MGMT: variants seen among roughly 807,000 people sequenced by gnomAD.
MGMT encodes the protein O-6-methylguanine-DNA methyltransferase, also known as methylated-DNA--protein-cysteine methyltransferase.
A neutral mutation model predicts 15.9 loss-of-function variants in MGMT; 14 were observed. The observed-to-expected ratio is 0.88, with a 90% CI of 0.58 to 1.37. The LOEUF is 1.37. Ranked by LOEUF, MGMT falls within the 40% of genes most tolerant of loss-of-function variation. The pLI, the probability that MGMT is intolerant of heterozygous loss-of-function variation, is 0.00. For synonymous variants in MGMT, 130 were observed against 118.2 expected, an observed-to-expected ratio of 1.10 and a Z score of -0.65; for missense variants, 282 against 268.1, an observed-to-expected ratio of 1.05 and a Z score of -0.36.
chr10:129,467,443 T>G, intron 1 of MGMT, 147 bp downstream of exon 1: 1 of 1,373,642 alleles, frequency 7.3e-7, no homozygotes, highest in Non-Finnish European at 9.4e-7. Context: ...GAGCTCCAGG[T>G]GCGCCCCAAG....
intron 2 of MGMT, among the ~76,000 whole-genome samples, chr10:129,662,865 T>C (rs1847615317): frequency 1.3e-5 from 2 of 152,170 alleles, no homozygotes; most frequent in Non-Finnish European, 2.9e-5. Flanking sequence ...GTCACACTCA[T>C]AATGAAGATA....
Position 129,746,345 on chromosome 10 carries a change from C to T in MGMT, c.275-12857C>T, listed in dbSNP as rs1327326241. Among the ~76,000 whole-genome samples, 5 of 150,630 alleles carry T rather than the reference C, an allele frequency of 3.3e-5. No homozygotes were observed. In the East Asian group the frequency reaches 7.8e-4, roughly 23 times the overall value. The stretch of plus-strand genomic sequence containing the variant: ...TTTTAATGAAGTTCAATTTATCTCT[C>T]TCTTTTTTTTATCATGATTTGAAGG... On this transcript the variant is annotated intron_variant, in intron 3 of 4. Transcript: ENST00000651593.
chr10:129,643,053 T>A (rs1847346257), intron 2 of MGMT, among the ~76,000 whole-genome samples: 1 of 152,188 alleles, frequency 6.6e-6, no homozygotes, highest in South Asian at 2.1e-4. Context: ...CCATTGTTAG[T>A]GATGACTTAC....
At chr10:129,492,165 G>A (rs921186197) in intron 1 of MGMT, among the ~76,000 whole-genome samples, 5 of 152,058 alleles carry the variant, frequency 3.3e-5, no homozygotes, top group African/African-American at 9.7e-5. Context: ...CTGGGTCAGG[G>A]CTGGCCTGTT....
At chr10:129,719,628 A>G (rs1316950474) in intron 3 of MGMT, among the ~76,000 whole-genome samples, 3 of 152,072 alleles carry the variant, frequency 2.0e-5, no homozygotes, top group African/African-American at 7.2e-5. Flanking sequence ...CTATATCATA[A>G]TCTCCCCTTC....
chr10:129,644,449 A>G (rs55778486), intron 2 of MGMT, among the ~76,000 whole-genome samples: 3,905 of 152,324 alleles, frequency 0.026, 80 homozygotes, highest in South Asian at 0.06. Context: ...TCAAGAGGAC[A>G]CAGCAAGAGG....
chr10:129,520,834 A>G (rs1564841116), intron 1 of MGMT, among the ~76,000 whole-genome samples: 1 of 147,932 alleles, frequency 6.8e-6, no homozygotes, highest in East Asian at 2.1e-4. Flanking sequence ...CAGAACCCCT[A>G]TGGTGCATGT....
chr10:129,560,550 T>G (rs1846264721), intron 2 of MGMT, among the ~76,000 whole-genome samples: 1 of 152,208 alleles, frequency 6.6e-6, no homozygotes, highest in African/African-American at 2.4e-5. Context: ...CATGGCCTAC[T>G]TTCAGACTCT....
chr10:129,591,400 C>A (rs988358760), intron 2 of MGMT, among the ~76,000 whole-genome samples: 1 of 152,164 alleles, frequency 6.6e-6, no homozygotes, highest in Admixed American at 6.5e-5. Flanking sequence ...TCTGTCTCCC[C>A]AGGAAAGGAG....
intron 3 of MGMT, among the ~76,000 whole-genome samples, chr10:129,738,382 G>A (rs533623125): frequency 3.9e-5 from 6 of 152,234 alleles, no homozygotes; most frequent in Admixed American, 1.3e-4. Context: ...TTGCGCTTCC[G>A]GAGTGAGGCA....
In MGMT at chr10:129,733,027, C is replaced by A. The variant is rs61874349; in HGVS notation, c.274+24984C>A. On this transcript the variant is annotated intron_variant, in intron 3 of 4. Transcript: ENST00000651593. ...ATGCCGCAATAAACATACGTGTGCACGTGTCTTTATAGCAGCATGATTTAT... is the reference window on the plus strand; with the variant it reads ...ATGCCGCAATAAACATACGTGTGCAAGTGTCTTTATAGCAGCATGATTTAT... Among the ~76,000 whole-genome samples the A allele has an allele frequency of 1.9e-4, 29 of 151,608 alleles. 1 individual carries two copies. The highest frequency in any genetic ancestry group is 1.4e-3 in the Admixed American group (22 of 15,194).
chr10:129,616,006 G>A (rs2133071721), intron 2 of MGMT, among the ~76,000 whole-genome samples: 1 of 152,258 alleles, frequency 6.6e-6, no homozygotes, highest in East Asian at 1.9e-4. Flanking sequence ...GTGGGTCTTT[G>A]CCCATCCTCT....
At chr10:129,754,555 T>C (rs745697289) in intron 3 of MGMT, among the ~76,000 whole-genome samples, 8 of 152,232 alleles carry the variant, frequency 5.3e-5, no homozygotes, top group Non-Finnish European at 7.3e-5. Context: ...TCACTCGCCC[T>C]GAACATAGTT....
At chr10:129,561,903 T>C (rs1846283442) in intron 2 of MGMT, among the ~76,000 whole-genome samples, 1 of 152,216 alleles carries the variant, frequency 6.6e-6, no homozygotes, top group Admixed American at 6.5e-5. Context: ...TTCTACTTCA[T>C]TAGCCACGTC....
chr10:129,725,505 A>G (rs1848422179), intron 3 of MGMT, among the ~76,000 whole-genome samples: 1 of 152,250 alleles, frequency 6.6e-6, no homozygotes, highest in African/African-American at 2.4e-5. Flanking sequence ...TCAAATTAAT[A>G]GCGTTCCTGG....
rs145880410 is a variant in MGMT at position 129,596,384 on chromosome 10, A to G, written c.125+60007A>G. Among the ~76,000 whole-genome samples, 1,291 of 152,304 alleles carry G rather than the reference A, an allele frequency of 8.5e-3. 11 individuals carry two copies. Among genetic ancestry groups the G allele is most frequent in the Non-Finnish European group, 0.015 (1,003 of 68,026 alleles). On this transcript the variant is annotated intron_variant, in intron 2 of 4. Coordinates refer to ENST00000651593, the MANE Select transcript of MGMT (RefSeq NM_002412.5). ...ATAAATTGTTTATAAATACAGTGAA[A>G]TCTAAGCAAACCAAGATGATCTTGG...
intron 2 of MGMT, among the ~76,000 whole-genome samples, chr10:129,668,791 A>G (rs1056006039): frequency 6.6e-6 from 1 of 152,166 alleles, no homozygotes; most frequent in Non-Finnish European, 1.5e-5. Context: ...TTTTAAAAGA[A>G]CTTTTTCTTT....
In MGMT at chr10:129,495,229, T is replaced by C. The variant is rs1241887272; in HGVS notation, c.-13+27933T>C. ...ATTTGAATTCATGGTACAAATAACGTAATTTAGAGTTACAGAACTCTTGAT... is the reference window on the plus strand; with the variant it reads ...ATTTGAATTCATGGTACAAATAACGCAATTTAGAGTTACAGAACTCTTGAT... On this transcript the variant is annotated intron_variant, in intron 1 of 4. Coordinates refer to ENST00000651593, the MANE Select transcript of MGMT (RefSeq NM_002412.5). Among the ~76,000 whole-genome samples the C allele has an allele frequency of 2.6e-5, 4 of 152,352 alleles. No individual in the cohort carries two copies. In the South Asian group the frequency reaches 6.2e-4, roughly 24 times the overall value.
chr10:129,496,629 G>A (rs974884486), intron 1 of MGMT, among the ~76,000 whole-genome samples: 3 of 152,044 alleles, frequency 2.0e-5, no homozygotes, highest in African/African-American at 7.2e-5. Context: ...GATTTCTGTC[G>A]CATCAGCTTG....
Sources: gnomAD v4.1 joint callset for allele counts (sites outside exome capture counted in the v4.1 genomes callset) on GRCh38, gnomAD v4.1.1 for gene constraint, MANE v1.5 for transcripts, NCBI Gene and HGNC (gene_info 2026-07-23, HGNC 2026-07-21) for gene names.